ACER2: variants seen among roughly 807,000 people sequenced by gnomAD.
ACER2 encodes alkCDase 2.
In ACER2, 26 loss-of-function variants were observed where a neutral mutation model predicts 34.7. The observed-to-expected ratio is 0.75, with a 90% CI of 0.55 to 1.04. The LOEUF (loss-of-function observed/expected upper bound fraction) is 1.04. ACER2 is among the 50% of genes least tolerant of loss of function. The pLI, the probability that ACER2 is intolerant of heterozygous loss-of-function variation, is 0.00. For missense variants in ACER2, 352 were observed against 340.8 expected (o/e 1.03, Z -0.26); for synonymous variants, 138 against 132.1 (o/e 1.04, Z -0.31).
intron 5 of ACER2, among the ~76,000 whole-genome samples, chr9:19,449,441 T>C (rs2026626): frequency 0.49 from 75,123 of 152,028 alleles, 20,260 homozygotes; most frequent in African/African-American, 0.71. Flanking sequence ...CTGCAGTTTC[T>C]CATTTGTCTT....
At chr9:19,431,054 C>G (rs1394911814) in intron 3 of ACER2, among the ~76,000 whole-genome samples, 1 of 151,970 alleles carries the variant, frequency 6.6e-6, no homozygotes, top group Admixed American at 6.6e-5. Context: ...AACCATTTGG[C>G]AGTACTCTGT....
intron 1 of ACER2, chr9:19,409,697 G>T: frequency 1.0e-6 from 1 of 976,790 alleles, no homozygotes; most frequent in South Asian, 4.7e-5. Context: ...CCACCCCCAA[G>T]AACATGCCTA....
intron 3 of ACER2, among the ~76,000 whole-genome samples, chr9:19,428,069 TTTCCTTTCCTTCTC>T (rs1563880170): frequency 2.2e-5 from 3 of 137,508 alleles, no homozygotes; most frequent in African/African-American, 5.5e-5. Flanking sequence ...TTTCCTTTCC[TTTCCTTTCCTTCTC>T]TCTCTCTCTC....
chr9:19,418,658 C>T (rs1045224111), intron 1 of ACER2, among the ~76,000 whole-genome samples: 5 of 152,020 alleles, frequency 3.3e-5, no homozygotes, highest in South Asian at 2.1e-4. Flanking sequence ...AACACATGGA[C>T]ACAGGGAGGG....
At position 19,451,419 on chromosome 9, in the gene ACER2, A is replaced by G. The variant is rs1831565166; in HGVS notation, c.*783A>G. On this transcript the variant is annotated 3_prime_UTR_variant, in exon 6 of 6. Coordinates refer to ENST00000340967, the MANE Select transcript of ACER2 (RefSeq NM_001010887.3). ...TTCACTTGCATTTCTCAACTAACCC[A>G]GGTTTTACATGCATCTGTGAATCCT... 1 of 152,654 alleles carries G rather than the reference A, an allele frequency of 6.6e-6. No homozygotes were observed. Among genetic ancestry groups the G allele is most frequent in the Admixed American group, 6.5e-5 (1 of 15,276 alleles). The allele number at this position is 152,654 out of a possible 1,614,324, so 9.5% of individuals were successfully genotyped here.
intron 1 of ACER2, among the ~76,000 whole-genome samples, chr9:19,409,606 T>C (rs529805011): frequency 6.0e-4 from 92 of 152,200 alleles, no homozygotes; most frequent in African/African-American, 2.1e-3. Flanking sequence ...TTGCCCTGAA[T>C]ACCTGCTCTC....
chr9:19,441,048 C>CTTTTTTTT (rs539195950), intron 4 of ACER2, among the ~76,000 whole-genome samples: 2 of 138,920 alleles, frequency 1.4e-5, no homozygotes, highest in African/African-American at 2.6e-5. Flanking sequence ...TTTTCTTTTT[C>CTTTTTTTT]TTTTTTTTTT....
chr9:19,417,822 C>A (rs1415597035), intron 1 of ACER2, among the ~76,000 whole-genome samples: 1 of 152,044 alleles, frequency 6.6e-6, no homozygotes, highest in Non-Finnish European at 1.5e-5. Context: ...ACTAAAACAC[C>A]AAGAGCAATG....
intron 4 of ACER2, among the ~76,000 whole-genome samples, chr9:19,437,217 T>G (rs1831005845): frequency 2.6e-5 from 4 of 152,348 alleles, no homozygotes; most frequent in Middle Eastern, 6.8e-3. Context: ...CTTCCTAAAC[T>G]GTAATAGGCA....
intron 1 of ACER2, among the ~76,000 whole-genome samples, chr9:19,413,897 C>A (rs576298950): frequency 6.6e-6 from 1 of 152,300 alleles, no homozygotes; most frequent in African/African-American, 2.4e-5. Context: ...CTGAATCTAT[C>A]GGTCGATCCA....
Position 19,434,987 on chromosome 9 carries a change from A to G in ACER2, c.406A>G (p.Thr136Ala). 6.2e-7 allele frequency: 1 copy of G among 1,614,138 alleles called. No individual in the cohort carries two copies. Residue 136 changes from threonine to alanine, a missense_variant, in exon 4 of 6, where the codon ACG (threonine) becomes GCG (alanine). Physicochemically the swap from Thr to Ala is moderately conservative, Grantham distance 58 (BLOSUM62 0). Transcript: ENST00000340967. ...KVVVSVLSAVTTCLAFVKPAI... is the reference protein window; with the variant it reads ...KVVVSVLSAVATCLAFVKPAI... Reference sequence around the variant, plus strand: ...GGTGGTCAGTGTCCTGTCTGCGGTTACGACGTGCCTGGCATTTGTCAAGCC... The same window carrying G: ...GGTGGTCAGTGTCCTGTCTGCGGTTGCGACGTGCCTGGCATTTGTCAAGCC...
At chr9:19,410,114 G>T (rs975972489) in intron 1 of ACER2, among the ~76,000 whole-genome samples, 1 of 152,188 alleles carries the variant, frequency 6.6e-6, no homozygotes, top group African/African-American at 2.4e-5. Context: ...TCCTGGTTTG[G>T]GTCATTGTGA....
intron 4 of ACER2, among the ~76,000 whole-genome samples, chr9:19,437,480 C>T (rs1831014254): frequency 6.6e-6 from 1 of 152,186 alleles, no homozygotes; most frequent in Admixed American, 6.5e-5. Context: ...TCACACCCCT[C>T]CAGAGGACCA....
intron 4 of ACER2, among the ~76,000 whole-genome samples, chr9:19,439,520 G>C (rs927341682): frequency 6.6e-6 from 1 of 151,922 alleles, no homozygotes; most frequent in Non-Finnish European, 1.5e-5. Context: ...AATTTTTGTA[G>C]TTTTAGTAGA....
At chr9:19,415,186 T>C (rs1433669445) in intron 1 of ACER2, among the ~76,000 whole-genome samples, 1 of 152,136 alleles carries the variant, frequency 6.6e-6, no homozygotes, top group African/African-American at 2.4e-5. Context: ...GCTTCTAATA[T>C]GCACATTTAA....
chr9:19,409,804 C>T (rs1830034007), intron 1 of ACER2: 2 of 985,156 alleles, frequency 2.0e-6, no homozygotes, highest in African/African-American at 3.5e-5. Context: ...GCTAATTCAA[C>T]TCCCCCAGGA....
At chr9:19,450,159 C>A (rs1831514382) in intron 5 of ACER2, 1 of 977,778 alleles carries the variant, frequency 1.0e-6, no homozygotes, top group Non-Finnish European at 1.2e-6. Flanking sequence ...AATCCTTGGG[C>A]CTCAGTCTTC....
At chr9:19,432,381 T>C (rs1172210878) in intron 3 of ACER2, among the ~76,000 whole-genome samples, 1 of 152,168 alleles carries the variant, frequency 6.6e-6, no homozygotes. Flanking sequence ...AAGTTATACA[T>C]GTTCACTTTG....
intron 3 of ACER2, among the ~76,000 whole-genome samples, chr9:19,432,094 C>T (rs1040123233): frequency 3.3e-5 from 5 of 152,152 alleles, no homozygotes; most frequent in African/African-American, 1.2e-4. Context: ...TCTAGGATCA[C>T]GTCGCCACTT....
Sources: allele counts gnomAD v4.1 joint callset (sites outside exome capture counted in the v4.1 genomes callset), GRCh38; gene constraint gnomAD v4.1.1; transcripts MANE v1.5; gene names NCBI Gene and HGNC (gene_info 2026-07-23, HGNC 2026-07-21).